The following POLE2 variants were observed in gnomAD, a reference collection of about 807,000 sequenced individuals.
POLE2 encodes the protein DNA polymerase epsilon subunit 2.
POLE2 carries 56 observed loss-of-function variants against 79.4 expected under a neutral mutation model. That is an observed-to-expected ratio of 0.71 (90% CI 0.57 to 0.88). The LOEUF (loss-of-function observed/expected upper bound fraction) is 0.88. Ranked by LOEUF, POLE2 falls within the 40% of genes least tolerant of loss-of-function variation. The pLI is 0.00. For synonymous variants in POLE2, 212 were observed against 214.0 expected (o/e 0.99, Z 0.08); for missense variants, 598 against 638.9 (o/e 0.94, Z 0.69).
intron 18 of POLE2, among the ~76,000 whole-genome samples, chr14:49,645,242 T>C (rs1883681007): frequency 6.7e-6 from 1 of 148,658 alleles, no homozygotes; most frequent in Admixed American, 6.9e-5. Flanking sequence ...CATGTGAGAA[T>C]GTGTATTTCC....
At chr14:49,656,422 G>A (rs1884684687) in intron 10 of POLE2, among the ~76,000 whole-genome samples, 1 of 150,974 alleles carries the variant, frequency 6.6e-6, no homozygotes, top group Non-Finnish European at 1.5e-5. Context: ...ACTGAAAGTA[G>A]AAGAAATGAG....
Position 49,663,401 on chromosome 14 carries a change from A to T in POLE2, c.683-14T>A, listed in dbSNP as rs1376567060. On this transcript the variant is annotated splice_polypyrimidine_tract_variant and intron_variant, in intron 9 of 18. Transcript: ENST00000216367. ...CTTCAAACCAACCTGAAAAAAAGTA[A>T]CGTCACTTTCATTTGTCTAATCCTC... The T allele has an allele frequency of 5.0e-6, 8 of 1,588,994 alleles. No homozygotes were observed. In the Admixed American group the frequency reaches 1.4e-4, roughly 27 times the overall value.
intron 18 of POLE2, 139 bp downstream of exon 18, chr14:49,647,154 A>G (rs1028848191): frequency 3.6e-6 from 2 of 554,546 alleles, no homozygotes; most frequent in Non-Finnish European, 3.2e-6. Context: ...CATAACCGTG[A>G]TAAGCTCAGC....
In POLE2 at chr14:49,666,353, C is replaced by A; in HGVS notation, c.553G>T (p.Gly185Ter). 1 of 1,548,824 alleles carries A rather than the reference C, an allele frequency of 6.5e-7. No homozygotes were observed. The highest frequency in any genetic ancestry group is 1.2e-5 in the South Asian group (1 of 81,878). Residue 185 changes from glycine (G) to a stop codon, truncating the protein, a stop_gained, in exon 7 of 19, where the codon GGA becomes TGA. Coordinates refer to ENST00000216367, the MANE Select transcript of POLE2 (RefSeq NM_002692.4). LOFTEE classifies it high-confidence loss of function. ...TTKIGDAIVL[G>*]MITQLKEGKF... ...ACCTCTTTTAACTGCGTTATCATTC[C>A]AAGAACAATCGCATCTCCGATTTTG...
intron 15 of POLE2, 132 bp from the exon 16 acceptor site, chr14:49,651,509 T>A (rs1884230061): frequency 4.0e-6 from 2 of 500,294 alleles, no homozygotes; most frequent in Non-Finnish European, 7.2e-6. Context: ...CCAGAGTCTG[T>A]CTATTCATCT....
At chr14:49,687,571 AG>A (rs1349243152) in intron 1 of POLE2, among the ~76,000 whole-genome samples, 1 of 152,074 alleles carries the variant, frequency 6.6e-6, no homozygotes, top group East Asian at 1.9e-4. Context: ...CGGCTGCCAT[AG>A]ATAGGTTGCA....
chr14:49,674,465 A>G (rs768001377), intron 3 of POLE2, 38 bp from the exon 4 acceptor site: 1 of 1,225,822 alleles, frequency 8.2e-7, no homozygotes, highest in South Asian at 1.2e-5. Context: ...CTGATTTACT[A>G]AAACATAAGT....
intron 11 of POLE2, 146 bp downstream of exon 11, chr14:49,655,525 A>C: frequency 3.2e-6 from 2 of 634,604 alleles, no homozygotes; most frequent in Non-Finnish European, 5.4e-6. Flanking sequence ...TTAAGTCTTT[A>C]AAATGAAATC....
intron 17 of POLE2, among the ~76,000 whole-genome samples, chr14:49,648,731 C>A (rs117049621): frequency 1.3e-5 from 2 of 152,172 alleles, no homozygotes; most frequent in African/African-American, 4.8e-5. Flanking sequence ...GCCCCCACCA[C>A]CAAAAATTAC....
chr14:49,651,696 GAGAAAA>G (rs1471862000), intron 15 of POLE2, among the ~76,000 whole-genome samples: 1 of 152,126 alleles, frequency 6.6e-6, no homozygotes, highest in African/African-American at 2.4e-5. Context: ...TTAAGCATAA[GAGAAAA>G]AGAAAAAGAC....
chr14:49,665,250 A>C, intron 7 of POLE2, 87 bp from the exon 8 acceptor site: 4 of 673,568 alleles, frequency 5.9e-6, no homozygotes, highest in Non-Finnish European at 1.1e-5. Context: ...TGACAACAGA[A>C]TACAATAGGG....
chr14:49,654,051 T>C lies in POLE2; in HGVS notation c.1150A>G (p.Ser384Gly). Residue 384 changes from serine (S) to glycine (G), a missense_variant, in exon 15 of 19, where the codon AGC becomes GGC. Ser to Gly is a moderately conservative substitution (Grantham distance 56, BLOSUM62 0). Transcript: ENST00000216367. ...SILPRPPLAESITNEFRQRVP... is the reference protein window; with the variant it reads ...SILPRPPLAEGITNEFRQRVP... ...CTTTGTCTGAATTCATTAGTGATGCTTTCAGCAAGTGGTGGCCTATAAAAA... is the reference window on the plus strand; with the variant it reads ...CTTTGTCTGAATTCATTAGTGATGCCTTCAGCAAGTGGTGGCCTATAAAAA... 2 of 1,603,582 alleles carry C rather than the reference T, an allele frequency of 1.2e-6. No homozygotes were observed. The highest frequency in any genetic ancestry group is 1.7e-6 in the Non-Finnish European group (2 of 1,170,810).
chr14:49,648,809 T>G (rs754429904), intron 17 of POLE2, among the ~76,000 whole-genome samples: 1 of 152,176 alleles, frequency 6.6e-6, no homozygotes, highest in Non-Finnish European at 1.5e-5. Flanking sequence ...ACAAACTGTG[T>G]GTTTGAGGAA....
At chr14:49,651,183 C>T in intron 16 of POLE2, 86 bp downstream of exon 16, 3 of 633,162 alleles carry the variant, frequency 4.7e-6, no homozygotes, top group South Asian at 3.9e-5. Flanking sequence ...AATGTCCTAA[C>T]CCAAGGACAA....
intron 5 of POLE2, among the ~76,000 whole-genome samples, chr14:49,670,081 C>G (rs184959379): frequency 9.2e-5 from 14 of 152,008 alleles, no homozygotes; most frequent in Admixed American, 9.2e-4. Context: ...TTTGGGAGGT[C>G]GAGGAGGGCG....
intron 17 of POLE2, 147 bp downstream of exon 17, chr14:49,650,118 C>G: frequency 2.2e-6 from 1 of 447,860 alleles, no homozygotes; most frequent in Admixed American, 4.4e-5. Context: ...TGTATACCAA[C>G]TTTCTGTGTA....
chr14:49,669,784 A>G (rs1296935663), intron 5 of POLE2, among the ~76,000 whole-genome samples, 186 bp from the exon 6 acceptor site: 2 of 151,862 alleles, frequency 1.3e-5, no homozygotes, highest in African/African-American at 4.8e-5. Context: ...AATTTAAGAC[A>G]AAAAAAATGT....
intron 10 of POLE2, among the ~76,000 whole-genome samples, chr14:49,659,263 AT>A (rs71441242): frequency 5.7e-4 from 85 of 147,836 alleles, no homozygotes; most frequent in African/African-American, 6.9e-4. Flanking sequence ...TCCCTACACA[AT>A]TTTTTTTTTT....
Position 49,683,308 on chromosome 14 carries a change from A to G in POLE2, c.169+285T>C, listed in dbSNP as rs1045914795. 7.2e-5 allele frequency among the ~76,000 whole-genome samples: 11 copies of G among 152,296 alleles called. No homozygotes were observed. In the East Asian group the frequency reaches 2.1e-3, roughly 29 times the overall value. ...TCCCACCTACTCGTGAGGCTGAGAC[A>G]AGAAAATTGCTTGAACCCGGGAGGT... On this transcript the variant is annotated intron_variant, in intron 2 of 18. Transcript: ENST00000216367.
Sources: gnomAD v4.1 joint callset for allele counts (sites outside exome capture counted in the v4.1 genomes callset) on GRCh38, gnomAD v4.1.1 for gene constraint, MANE v1.5 for transcripts, NCBI Gene and HGNC (gene_info 2026-07-23, HGNC 2026-07-21) for gene names.